The following JARID2 variants were observed in gnomAD, a reference collection of about 807,000 sequenced individuals.
JARID2 encodes the protein jumonji and AT-rich interaction domain containing 2, also known as protein Jumonji.
A neutral mutation model predicts 125.6 loss-of-function variants in JARID2; 21 were observed. The observed-to-expected ratio is 0.17, with a 90% confidence interval of 0.12 to 0.24. The LOEUF is 0.24. Ranked by LOEUF, JARID2 falls within the 10% of genes least tolerant of loss-of-function variation. The pLI is 1.00. For synonymous variants in JARID2, 736 were observed against 661.6 expected, an observed-to-expected ratio of 1.11 and a Z score of -1.73; for missense variants, 1,303 against 1,639.6, an observed-to-expected ratio of 0.79 and a Z score of 3.55.
At chr6:15,340,618 T>C (rs1644548535) in intron 1 of JARID2, among the ~76,000 whole-genome samples, 1 of 152,204 alleles carries the variant, frequency 6.6e-6, no homozygotes, top group African/African-American at 2.4e-5. Flanking sequence ...GGCAGACTTT[T>C]ATTCATTCAT....
intron 1 of JARID2, among the ~76,000 whole-genome samples, chr6:15,261,311 CTTTTTTTTT>C (rs70996526): frequency 0.21 from 26,875 of 125,856 alleles, 2,909 homozygotes; most frequent in South Asian, 0.39. Context: ...TCTTCTTCTT[CTTTTTTTTT>C]TTTTTTTTTT....
intron 1 of JARID2, among the ~76,000 whole-genome samples, chr6:15,251,809 C>T (rs951797797): frequency 6.6e-6 from 1 of 152,108 alleles, no homozygotes; most frequent in Non-Finnish European, 1.5e-5. Context: ...GAAACCCCGT[C>T]TCTACTAAAA....
At chr6:15,466,168 A>G (rs771493855) in intron 4 of JARID2, among the ~76,000 whole-genome samples, 1 of 152,164 alleles carries the variant, frequency 6.6e-6, no homozygotes, top group East Asian at 1.9e-4. Context: ...CCTTTGCAAC[A>G]GAGGGGAGAG....
intron 1 of JARID2, among the ~76,000 whole-genome samples, chr6:15,342,748 T>G (rs546491944): frequency 1.9e-4 from 29 of 152,228 alleles, no homozygotes; most frequent in Non-Finnish European, 2.8e-4. Flanking sequence ...TCAACTAGCT[T>G]CTTCTTCAAA....
At chr6:15,252,053 A>AT (rs1759476891) in intron 1 of JARID2, among the ~76,000 whole-genome samples, 1 of 152,196 alleles carries the variant, frequency 6.6e-6, no homozygotes, top group African/African-American at 2.4e-5. Flanking sequence ...TCAAAAAAAA[A>AT]TGTGGGCCAG....
At chr6:15,493,831 C>T (rs1770273250) in intron 6 of JARID2, among the ~76,000 whole-genome samples, 1 of 152,202 alleles carries the variant, frequency 6.6e-6, no homozygotes, top group Admixed American at 6.5e-5. Context: ...CCTCCTCTTG[C>T]AGATTAACAG....
chr6:15,307,778 G>C (rs973318630), intron 1 of JARID2, among the ~76,000 whole-genome samples: 1 of 152,154 alleles, frequency 6.6e-6, no homozygotes, highest in Non-Finnish European at 1.5e-5. Flanking sequence ...TTTATTACTA[G>C]GAGCTCATGA....
At chr6:15,278,322 C>T (rs1371894100) in intron 1 of JARID2, among the ~76,000 whole-genome samples, 1 of 152,122 alleles carries the variant, frequency 6.6e-6, no homozygotes, top group Admixed American at 6.5e-5. Flanking sequence ...CACTGTACCT[C>T]ATGCCTGTAA....
chr6:15,514,022 C>G (rs1274006817), intron 16 of JARID2, among the ~76,000 whole-genome samples: 1 of 152,264 alleles, frequency 6.6e-6, no homozygotes, highest in Non-Finnish European at 1.5e-5. Flanking sequence ...CTGCATTCCT[C>G]TTGCCTTCTC....
At chr6:15,248,807 G>C (rs1759310535) in intron 1 of JARID2, 10 of 583,864 alleles carry the variant, frequency 1.7e-5, no homozygotes, top group Non-Finnish European at 2.2e-5. Context: ...GTCAAAAGTC[G>C]GGCGGGAGGC....
At chr6:15,348,380 G>T (rs1168100371) in intron 1 of JARID2, among the ~76,000 whole-genome samples, 1 of 152,134 alleles carries the variant, frequency 6.6e-6, no homozygotes, top group Non-Finnish European at 1.5e-5. Flanking sequence ...GTGAGCCACG[G>T]CACCTGGCCA....
At chr6:15,423,695 G>A (rs980132468) in intron 3 of JARID2, among the ~76,000 whole-genome samples, 1 of 152,154 alleles carries the variant, frequency 6.6e-6, no homozygotes, top group African/African-American at 2.4e-5. Flanking sequence ...GGCTGAGCAC[G>A]TACGTTTTAT....
intron 1 of JARID2, among the ~76,000 whole-genome samples, chr6:15,304,917 T>A (rs1761767249): frequency 6.6e-6 from 1 of 152,084 alleles, no homozygotes. Context: ...GTTTCCAGCA[T>A]GTGTTTCGCT....
At chr6:15,494,891 G>A (rs1770334938) in intron 6 of JARID2, among the ~76,000 whole-genome samples, 1 of 152,176 alleles carries the variant, frequency 6.6e-6, no homozygotes. Context: ...CAGCTCTCCT[G>A]ACCAGGAAGT....
At chr6:15,468,363 C>CT (rs1768849212) in intron 4 of JARID2, among the ~76,000 whole-genome samples, 179 bp from the exon 5 acceptor site, 1 of 151,862 alleles carries the variant, frequency 6.6e-6, no homozygotes, top group Non-Finnish European at 1.5e-5. Context: ...GGGGATTTTG[C>CT]TTGAAATACG....
intron 1 of JARID2, among the ~76,000 whole-genome samples, chr6:15,339,638 C>T (rs932105596): frequency 3.3e-5 from 5 of 151,162 alleles, no homozygotes; most frequent in Admixed American, 6.6e-5. Context: ...TGGGTTCAAG[C>T]GATTCTCCTG....
At chr6:15,422,905 C>A (rs1766561415) in intron 3 of JARID2, among the ~76,000 whole-genome samples, 1 of 152,016 alleles carries the variant, frequency 6.6e-6, no homozygotes, top group Non-Finnish European at 1.5e-5. Context: ...ATTAATGACG[C>A]CTGTTGTTGA....
At chr6:15,412,696 G>A (rs1408793575) in intron 3 of JARID2, among the ~76,000 whole-genome samples, 1 of 152,216 alleles carries the variant, frequency 6.6e-6, no homozygotes, top group Middle Eastern at 3.2e-3. Context: ...TCCTTCGTCA[G>A]TATTTAGTGG....
At chr6:15,392,126 G>A (rs1013118491) in intron 2 of JARID2, among the ~76,000 whole-genome samples, 1 of 151,684 alleles carries the variant, frequency 6.6e-6, no homozygotes, top group Non-Finnish European at 1.5e-5. Flanking sequence ...CTAGGTTTTA[G>A]TGCCACTTTG....
Sources: allele counts gnomAD v4.1 joint callset (sites outside exome capture counted in the v4.1 genomes callset), GRCh38; gene constraint gnomAD v4.1.1; transcripts MANE v1.5; gene names NCBI Gene and HGNC (gene_info 2026-07-23, HGNC 2026-07-21).